SULT4A1: variants seen among roughly 807,000 people sequenced by gnomAD.
SULT4A1 encodes the protein sulfotransferase family 4A member 1, also known as sulfotransferase 4A1.
Under a neutral mutation model 35.2 loss-of-function variants are expected in SULT4A1, and 11 were observed. The ratio of observed to expected loss-of-function variants is 0.31; its 90% CI spans 0.20 to 0.52. The LOEUF (loss-of-function observed/expected upper bound fraction) is 0.52, where lower values mean the gene tolerates loss of function less well. SULT4A1 is among the 20% of genes least tolerant of loss of function. SULT4A1 has a pLI of 0.97. For missense variants in SULT4A1, 271 were observed against 383.7 expected (o/e 0.71, Z 2.45); for synonymous variants, 152 against 151.8 (o/e 1.00, Z -0.01).
intron 5 of SULT4A1, among the ~76,000 whole-genome samples, chr22:43,831,215 T>C (rs1022902341): frequency 6.6e-6 from 1 of 151,352 alleles, no homozygotes; most frequent in Non-Finnish European, 1.5e-5. Flanking sequence ...TGGAGTAAAG[T>C]GTGTGTTTGG....
Position 43,862,396 on chromosome 22 carries a change from C to T in SULT4A1, c.-14G>A, listed in dbSNP as rs750007475. ...GCTCTCCGCCATGCCGCCGCCGTCG[C>T]CGTCGCCGCCGCCGCCTCCCGGCTC... On this transcript the variant is annotated 5_prime_UTR_variant, in exon 1 of 7. Coordinates refer to ENST00000330884, the MANE Select transcript of SULT4A1 (RefSeq NM_014351.4). 3.0e-5 allele frequency: 38 copies of T among 1,263,388 alleles called. No individual in the cohort carries two copies. The highest frequency in any genetic ancestry group is 3.7e-5 in the Non-Finnish European group (36 of 984,706). 78.3% of individuals were successfully genotyped at this position (1,263,388 alleles called of 1,614,324 possible).
At chr22:43,832,698 G>A (rs1382262854) in intron 5 of SULT4A1, among the ~76,000 whole-genome samples, 2 of 151,926 alleles carry the variant, frequency 1.3e-5, no homozygotes, top group Non-Finnish European at 2.9e-5. Context: ...ACAAGGCACA[G>A]CCCCCACCCC....
chr22:43,840,082 A>T (rs531685187), intron 2 of SULT4A1, 57 bp from the exon 3 acceptor site: 88 of 662,004 alleles, frequency 1.3e-4, no homozygotes, highest in East Asian at 2.0e-4. Flanking sequence ...CAAGGGGAGG[A>T]GTGGGGCCAA....
At chr22:43,831,100 G>A (rs2063322093) in intron 5 of SULT4A1, among the ~76,000 whole-genome samples, 1 of 152,190 alleles carries the variant, frequency 6.6e-6, no homozygotes, top group Admixed American at 6.5e-5. Context: ...TAAAGTTCCA[G>A]GCAGGGCTGG....
chr22:43,847,846 C>G (rs986409162), intron 1 of SULT4A1, among the ~76,000 whole-genome samples: 3 of 152,254 alleles, frequency 2.0e-5, no homozygotes, highest in Non-Finnish European at 2.9e-5. Context: ...GTCTTAGTCA[C>G]TGTTTTAGTT....
Position 43,826,391 on chromosome 22 carries a change from C to G in SULT4A1, c.743-278G>C, listed in dbSNP as rs1248911834. 3.0e-6 allele frequency: 3 copies of G among 984,784 alleles called. No individual in the cohort carries two copies. In the African/African-American group the frequency reaches 5.3e-5, roughly 17 times the overall value. 61.0% of individuals were successfully genotyped at this position (984,784 alleles called of 1,614,324 possible). ...CACCTCCTGGTGCCATTCCACACCC[C>G]CCGCTGGGGCCCACCAGGGAGACTC... On this transcript the variant is annotated intron_variant, in intron 6 of 6. Transcript: ENST00000330884.
Position 43,825,030 on chromosome 22 carries a change from C to T in SULT4A1, c.*971G>A, listed in dbSNP as rs1050013226. On this transcript the variant is annotated 3_prime_UTR_variant, in exon 7 of 7. Coordinates refer to ENST00000330884, the MANE Select transcript of SULT4A1 (RefSeq NM_014351.4). Reference sequence around the variant, plus strand: ...CTGATCCGAGTGAAACAGGGCTACACTCGCAAAATGGTCCTCCCACGGCTG... The same window carrying T: ...CTGATCCGAGTGAAACAGGGCTACATTCGCAAAATGGTCCTCCCACGGCTG... 2 of 152,260 alleles carry T rather than the reference C, an allele frequency of 1.3e-5. No individual in the cohort carries two copies. Among genetic ancestry groups the T allele is most frequent in the African/African-American group, 4.8e-5 (2 of 41,472 alleles). 9.4% of individuals were successfully genotyped at this position (152,260 alleles called of 1,614,324 possible). A position where few individuals can be genotyped will look rare whatever the true frequency, so the allele number is the denominator to read the frequency against.
chr22:43,829,210 G>T lies in SULT4A1; in HGVS notation c.604-12C>A. ...ATCGTCACCAGGTCCTGGAAGACAA[G>T]TGCAGAGAGCAGAGCAGCCCATCAG... On this transcript the variant is annotated splice_polypyrimidine_tract_variant and intron_variant, in intron 5 of 6. Transcript: ENST00000330884. The T allele has an allele frequency of 6.4e-7, 1 of 1,552,906 alleles. No individual in the cohort carries two copies. The highest frequency in any genetic ancestry group is 8.7e-7 in the Non-Finnish European group (1 of 1,148,266).
At chr22:43,846,665 A>C (rs2063478947) in intron 1 of SULT4A1, among the ~76,000 whole-genome samples, 1 of 152,264 alleles carries the variant, frequency 6.6e-6, no homozygotes. Context: ...CACCAACCTG[A>C]GTAGGAAGTA....
At chr22:43,838,741 C>G in intron 4 of SULT4A1, 126 bp downstream of exon 4, 1 of 1,307,788 alleles carries the variant, frequency 7.6e-7, no homozygotes, top group South Asian at 1.3e-5. Context: ...AAAGTGACCG[C>G]GGGCCTGACC....
intron 5 of SULT4A1, among the ~76,000 whole-genome samples, chr22:43,832,556 A>C (rs1292968669): frequency 6.6e-6 from 1 of 151,782 alleles, no homozygotes; most frequent in Non-Finnish European, 1.5e-5. Flanking sequence ...CGCAAGGCAC[A>C]CCCCCACACC....
intron 4 of SULT4A1, among the ~76,000 whole-genome samples, chr22:43,838,143 C>T (rs530140589): frequency 3.3e-5 from 5 of 152,374 alleles, no homozygotes; most frequent in African/African-American, 9.6e-5. Flanking sequence ...TCTGCCACCA[C>T]TCCCAAGGGA....
At chr22:43,861,290 C>A (rs1056023974) in intron 1 of SULT4A1, among the ~76,000 whole-genome samples, 2 of 152,306 alleles carry the variant, frequency 1.3e-5, no homozygotes, top group African/African-American at 4.8e-5. Context: ...TCCGGCGTGA[C>A]CTTAGAGCCA....
chr22:43,830,462 AC>A (rs1272883426), intron 5 of SULT4A1, among the ~76,000 whole-genome samples: 2 of 152,204 alleles, frequency 1.3e-5, no homozygotes, highest in Non-Finnish European at 2.9e-5. Context: ...TGGTTATGAA[AC>A]CCAGCAGGGA....
chr22:43,830,664 C>T (rs765067555), intron 5 of SULT4A1, among the ~76,000 whole-genome samples: 5 of 152,220 alleles, frequency 3.3e-5, no homozygotes, highest in Admixed American at 2.6e-4. Flanking sequence ...CAGGGCACCC[C>T]GTGACTGGTG....
rs1348769913 is a variant in SULT4A1 at position 43,846,199 on chromosome 22, C to G, written c.170-4267G>C. ...CAGGCTGCCGACACTGGTGTCCCTG[C>G]CTGGAGCCTCCTCACTCCCTGACTC... On this transcript the variant is annotated intron_variant, in intron 1 of 6. Transcript: ENST00000330884. Among the ~76,000 whole-genome samples the G allele has an allele frequency of 2.0e-5, 3 of 152,334 alleles. No individual in the cohort carries two copies. The East Asian group carries it at 5.8e-4, about 29-fold the overall frequency.
intron 6 of SULT4A1, chr22:43,827,674 G>T: frequency 7.3e-7 from 1 of 1,362,446 alleles, no homozygotes; most frequent in Non-Finnish European, 9.8e-7. Context: ...CTGAAATAAA[G>T]CAAAACCAAG....
At chr22:43,828,870 G>A (rs566410152) in intron 6 of SULT4A1, 190 bp downstream of exon 6, 9 of 555,242 alleles carry the variant, frequency 1.6e-5, no homozygotes, top group South Asian at 6.4e-5. Context: ...AGGGTACTCC[G>A]TCACTCCATG....
Position 43,826,116 on chromosome 22 carries a change from G to A in SULT4A1, c.743-3C>T, listed in dbSNP as rs756310706. 6.2e-7 allele frequency: 1 copy of A among 1,613,856 alleles called. No individual in the cohort carries two copies. The highest frequency in any genetic ancestry group is 1.1e-5 in the South Asian group (1 of 90,986). On this transcript the variant is annotated splice_polypyrimidine_tract_variant and splice_region_variant and intron_variant, in intron 6 of 6. Coordinates refer to ENST00000330884, the MANE Select transcript of SULT4A1 (RefSeq NM_014351.4). ...GTCCTTCCACAGCCCAACTCTTCCT[G>A]AAACGCAAACAAGAGAACTGCTGGG... is the stretch of plus-strand genomic sequence containing the variant.
Sources: gnomAD v4.1 joint callset for allele counts (sites outside exome capture counted in the v4.1 genomes callset) on GRCh38, gnomAD v4.1.1 for gene constraint, MANE v1.5 for transcripts, NCBI Gene and HGNC (gene_info 2026-07-23, HGNC 2026-07-21) for gene names.